SAGE1: variants seen among roughly 807,000 people sequenced by gnomAD.
SAGE1 encodes the protein cancer/testis antigen 14.
In SAGE1, 55 loss-of-function variants were observed where a neutral mutation model predicts 55.4. The ratio of observed to expected loss-of-function variants is 0.99; its 90% CI spans 0.80 to 1.24. The LOEUF is 1.24. SAGE1 is among the 50% of genes most tolerant of loss of function. The probability of loss-of-function intolerance (pLI) is 0.00; values close to 1 mark genes in which losing one functional copy is unlikely to be tolerated. For synonymous variants in SAGE1, 240 were observed against 244.3 expected, an observed-to-expected ratio of 0.98 and a Z score of 0.17; for missense variants, 710 against 704.4, an observed-to-expected ratio of 1.01 and a Z score of -0.09.
intron 14 of SAGE1, 38 bp downstream of exon 14, chrX:135,909,817 T>C (rs1556605120): frequency 8.8e-7 from 1 of 1,131,280 alleles, no homozygotes; most frequent in Non-Finnish European, 1.2e-6. Flanking sequence ...CCTACTTGGT[T>C]TTCATATGCA....
chrX:135,909,571 A>C, intron 13 of SAGE1, 68 bp from the exon 14 acceptor site: 3 of 1,001,469 alleles, frequency 3.0e-6, no homozygotes, highest in Non-Finnish European at 4.1e-6. Context: ...TGAACATCAG[A>C]GGGATATACC....
chrX:135,895,688 C>T (rs782427309), intron 1 of SAGE1, among the ~76,000 whole-genome samples: 1 of 111,622 alleles, frequency 9.0e-6, no homozygotes, highest in Non-Finnish European at 1.9e-5. Flanking sequence ...CCACTTCAAA[C>T]GAGTCAGCTA....
intron 2 of SAGE1, among the ~76,000 whole-genome samples, chrX:135,900,683 C>T (rs2088659555): frequency 9.0e-6 from 1 of 111,232 alleles, no homozygotes; most frequent in Non-Finnish European, 1.9e-5. Context: ...TTATTTACCA[C>T]TAACATTGTA....
chrX:135,894,515 G>T (rs1432360604), intron 1 of SAGE1, among the ~76,000 whole-genome samples: 1 of 110,907 alleles, frequency 9.0e-6, no homozygotes, highest in Non-Finnish European at 1.9e-5. Flanking sequence ...TTTCATTTTT[G>T]ATTTTGATAA....
rs2088903254 is a variant in SAGE1 at position 135,911,793 on chromosome X, C to G, written c.2361C>G (p.Gly787=). 2.5e-6 allele frequency: 3 copies of G among 1,210,111 alleles called. No homozygotes were observed. Among genetic ancestry groups the G allele is most frequent in the Non-Finnish European group, 3.4e-6 (3 of 893,921 alleles). ...YKPDSNEFAV[G]TKNYSVSAGD... is the part of the protein sequence containing the mutation. ...CTGATAGTAATGAATTTGCGGTAGG[C>G]ACCAAAAACTACAGTGTCTCTGCAG... is the stretch of plus-strand genomic sequence containing the variant. Residue 787 remains glycine (G), a synonymous_variant, in exon 18 of 20, where the codon GGC becomes GGG. Coordinates refer to ENST00000370709, the MANE Select transcript of SAGE1 (RefSeq NM_001381902.1).
chrX:135,909,381 A>G (rs2088854180), intron 13 of SAGE1, among the ~76,000 whole-genome samples: 1 of 112,124 alleles, frequency 8.9e-6, no homozygotes, highest in African/African-American at 3.2e-5. Context: ...ACCCCTGAGT[A>G]CCAGGGATCA....
At position 135,907,814 on chromosome X, in the gene SAGE1, A is replaced by G. The variant is rs368948792; in HGVS notation, c.1132A>G (p.Met378Val). Reference protein sequence around the residue: ...PGLAYLATADMPAMSTRDQHA... With the variant: ...PGLAYLATADVPAMSTRDQHA... ...GCTTGCTTATTTGGCAACAGCTGAT[A>G]TGCCAGCCATGAGTACCAGGGATCA... Residue 378 changes from methionine (M) to valine (V), a missense_variant, in exon 10 of 20, where the codon ATG (methionine) becomes GTG (valine). By Grantham distance (21) the Met-to-Val change is conservative. Coordinates refer to ENST00000370709, the MANE Select transcript of SAGE1 (RefSeq NM_001381902.1). 19 of 1,209,311 alleles carry G rather than the reference A, an allele frequency of 1.6e-5. No individual in the cohort carries two copies. The highest frequency in any genetic ancestry group is 2.2e-5 in the Admixed American group (1 of 45,776).
chrX:135,912,279 T>C, intron 18 of SAGE1, 42 bp from the exon 19 acceptor site: 7 of 1,177,491 alleles, frequency 5.9e-6, no homozygotes, highest in Non-Finnish European at 6.8e-6. Flanking sequence ...GTATATTTCA[T>C]TTTTGTAATT....
intron 1 of SAGE1, among the ~76,000 whole-genome samples, chrX:135,894,985 C>A (rs2088561024): frequency 4.0e-5 from 1 of 25,284 alleles, no homozygotes; most frequent in Non-Finnish European, 7.4e-5. Flanking sequence ...CTAAATCCCA[C>A]AAGTTTGTTT....
chrX:135,894,834 G>A (rs782502510), intron 1 of SAGE1, among the ~76,000 whole-genome samples: 60 of 110,955 alleles, frequency 5.4e-4, no homozygotes, highest in Admixed American at 9.7e-4. Context: ...AAGGAAATTC[G>A]GTGTGCTGAA....
chrX:135,911,161 T>TTATTATG (rs1556606236), intron 16 of SAGE1, 31 bp from the exon 17 acceptor site: 13 of 1,204,848 alleles, frequency 1.1e-5, no homozygotes. Context: ...TGCACTTACT[T>TTATTATG]CACAGCTCAG....
chrX:135,897,572 A>G (rs1408726067), intron 2 of SAGE1, among the ~76,000 whole-genome samples: 15 of 112,039 alleles, frequency 1.3e-4, no homozygotes, highest in Admixed American at 9.4e-5. Flanking sequence ...GGAAATGAAA[A>G]TGGTTTGGAA....
Position 135,901,791 on chromosome X carries a change from G to T in SAGE1, c.220+100G>T, listed in dbSNP as rs1267157806. 9.7e-6 allele frequency: 8 copies of T among 822,531 alleles called. No individual in the cohort carries two copies. In the African/African-American group the frequency reaches 1.7e-4, roughly 17 times the overall value. 67.8% of individuals were successfully genotyped at this position (822,531 alleles called of 1,213,427 possible). A position where few individuals can be genotyped will look rare whatever the true frequency, so the allele number is the denominator to read the frequency against. ...GATATGAGCACATTTGCAAGTGGAA[G>T]GGCAAGGTTCTAATTAGGTGCAACA... is the stretch of plus-strand genomic sequence containing the variant. On this transcript the variant is annotated intron_variant, in intron 3 of 19. Transcript: ENST00000370709.
Position 135,908,988 on chromosome X carries a change from G to A in SAGE1, c.1566G>A (p.Met522Ile). ...GHMAAGGIPS[M>I]STKDLYATVT... ...TGGCTGCAGGTGGTATTCCATCCAT[G>A]AGTACCAAGGATCTGTGTATGTCTG... Residue 522 changes from methionine to isoleucine, a missense_variant, in exon 13 of 20, where the codon ATG becomes ATA. Transcript: ENST00000370709. The A allele has an allele frequency of 8.3e-7, 1 of 1,208,324 alleles. No homozygotes were observed. Among genetic ancestry groups the A allele is most frequent in the Non-Finnish European group, 1.1e-6 (1 of 892,719 alleles).
In SAGE1 at chrX:135,911,290, C is replaced by T. The variant is rs2088894566; in HGVS notation, c.2104C>T (p.Leu702=). ...AACGGTTCCACCTGGTTGTATTAAT[C>T]TGTCAGGAGCTGGTATTTCATGCAG... ...LSTVPPGCIN[L]SGAGISCRST... is the part of the protein sequence containing the mutation. The change falls in exon 17 of 20, where the codon CTG becomes TTG. Residue 702 remains leucine (L), a synonymous_variant. Transcript: ENST00000370709. 8.3e-7 allele frequency: 1 copy of T among 1,206,605 alleles called. No homozygotes were observed.
At chrX:135,903,042 G>A (rs1373957659) in intron 3 of SAGE1, among the ~76,000 whole-genome samples, 2 of 111,710 alleles carry the variant, frequency 1.8e-5, no homozygotes, top group Admixed American at 9.5e-5. Flanking sequence ...CCCTGAACCG[G>A]CTTTGGTCTC....
chrX:135,900,594 C>A (rs1204518756), intron 2 of SAGE1, among the ~76,000 whole-genome samples: 2 of 110,491 alleles, frequency 1.8e-5, no homozygotes, highest in Non-Finnish European at 3.8e-5. Context: ...CTCTAGTAGG[C>A]AGGAACATAT....
At chrX:135,905,941 G>C in intron 5 of SAGE1, 83 bp from the exon 6 acceptor site, 1 of 838,680 alleles carries the variant, frequency 1.2e-6, no homozygotes, top group Non-Finnish European at 1.7e-6. Flanking sequence ...TAATTTCCTA[G>C]AAACTGAGCA....
chrX:135,908,581 G>C lies in SAGE1; in HGVS notation c.1405G>C (p.Gly469Arg). 8.3e-7 allele frequency: 1 copy of C among 1,204,175 alleles called. No individual in the cohort carries two copies. The change falls in exon 12 of 20, where the codon GGA (glycine) becomes CGA (arginine). Residue 469 changes from glycine to arginine, a missense_variant. Coordinates refer to ENST00000370709, the MANE Select transcript of SAGE1 (RefSeq NM_001381902.1). ...NVLSGLINMA[G>R]ASIPAMSSRD... is the part of the protein sequence containing the mutation. ...TCTATCCGGGCTTATTAATATGGCA[G>C]GAGCTAGTATTCCAGCAATGAGTTC... is the stretch of plus-strand genomic sequence containing the variant.
Sources: allele counts gnomAD v4.1 joint callset (sites outside exome capture counted in the v4.1 genomes callset), GRCh38; gene constraint gnomAD v4.1.1; transcripts MANE v1.5; gene names NCBI Gene and HGNC (gene_info 2026-07-23, HGNC 2026-07-21).